Variants in ZNRF3 observed in about 807,000 individuals in gnomAD.
ZNRF3 encodes zinc and ring finger 3.
A neutral mutation model predicts 72.5 loss-of-function variants in ZNRF3; 23 were observed. The observed-to-expected ratio is 0.32, with a 90% confidence interval of 0.23 to 0.45. ZNRF3 has a LOEUF of 0.45. Among genes scored for constraint, ZNRF3 ranks in the 20% least tolerant of loss-of-function variants. The pLI, the probability that ZNRF3 is intolerant of heterozygous loss-of-function variation, is 1.00. For missense variants in ZNRF3, 1,169 were observed against 1,272.1 expected, an observed-to-expected ratio of 0.92 and a Z score of 1.23; for synonymous variants, 610 against 545.3, an observed-to-expected ratio of 1.12 and a Z score of -1.65.
At position 28,883,919 on chromosome 22, in the gene ZNRF3, C is replaced by T; in HGVS notation, c.153C>T (p.Gly51=). 1 of 1,187,314 alleles carries T rather than the reference C, an allele frequency of 8.4e-7. No individual in the cohort carries two copies. Among genetic ancestry groups the T allele is most frequent in the Non-Finnish European group, 1.1e-6 (1 of 942,454 alleles). 73.5% of individuals were successfully genotyped at this position (1,187,314 alleles called of 1,614,324 possible). A position where few individuals can be genotyped will look rare whatever the true frequency, so the allele number is the denominator to read the frequency against. ...LGLLLAAAGP[G]AARAKETAFV... is the part of the protein sequence containing the mutation. ...TGCTGCTGGCGGCCGCGGGGCCCGG[C>T]GCGGCGCGGGCCAAGGAGACGGCGT... The change falls in exon 1 of 9, where the codon GGC becomes GGT. Residue 51 remains glycine, a synonymous_variant. Transcript: ENST00000544604. The surrounding 1 kb of genome is among the most constrained non-coding windows in gnomAD (Gnocchi z 5.5).
In ZNRF3 at chr22:28,905,834, C is replaced by T. The variant is rs1224791351; in HGVS notation, c.300+21768C>T. 2.6e-5 allele frequency among the ~76,000 whole-genome samples: 4 copies of T among 152,206 alleles called. No homozygotes were observed. The South Asian group carries it at 8.3e-4, about 32-fold the overall frequency. ...CTTATACTGTTTTTCTCACTAGATCCTTAAGAGGATTCTGAGCGATAAGAT... is the reference window on the plus strand; with the variant it reads ...CTTATACTGTTTTTCTCACTAGATCTTTAAGAGGATTCTGAGCGATAAGAT... On this transcript the variant is annotated intron_variant, in intron 1 of 8. Transcript: ENST00000544604.
chr22:28,896,281 T>C (rs76088334), intron 1 of ZNRF3, among the ~76,000 whole-genome samples: 4 of 152,142 alleles, frequency 2.6e-5, no homozygotes, highest in Non-Finnish European at 5.9e-5. Context: ...ACTACAGGCG[T>C]GTGCCACCAC....
At chr22:28,999,465 G>T (rs1057338920) in intron 2 of ZNRF3, among the ~76,000 whole-genome samples, 4 of 152,190 alleles carry the variant, frequency 2.6e-5, no homozygotes, top group African/African-American at 9.7e-5. Context: ...GATAGAGCGA[G>T]ACCCCTGACT....
chr22:28,977,751 AT>A (rs2035700963), intron 1 of ZNRF3, among the ~76,000 whole-genome samples: 1 of 152,216 alleles, frequency 6.6e-6, no homozygotes, highest in African/African-American at 2.4e-5. Context: ...TTTTGAAGTT[AT>A]TTTAAACTCT....
chr22:28,986,905 C>A, intron 1 of ZNRF3, 171 bp from the exon 2 acceptor site: 1 of 842,194 alleles, frequency 1.2e-6, no homozygotes, highest in South Asian at 1.9e-5. Context: ...CTCCCCAGTG[C>A]TCAGCTCATT....
chr22:28,989,806 A>G (rs1445329993), intron 2 of ZNRF3, among the ~76,000 whole-genome samples: 1 of 152,190 alleles, frequency 6.6e-6, no homozygotes, highest in Non-Finnish European at 1.5e-5. Flanking sequence ...CTACCCGCGT[A>G]CTTACAGACA....
intron 2 of ZNRF3, among the ~76,000 whole-genome samples, chr22:29,032,685 T>C (rs1286641990): frequency 6.6e-6 from 1 of 152,174 alleles, no homozygotes; most frequent in East Asian, 1.9e-4. Context: ...CCATGGTGTT[T>C]GATGCTAACC....
chr22:29,007,702 C>A (rs1473175423), intron 2 of ZNRF3, among the ~76,000 whole-genome samples: 1 of 151,412 alleles, frequency 6.6e-6, no homozygotes, highest in Non-Finnish European at 1.5e-5. Context: ...TATCATAGCT[C>A]CCCTTTTTCT....
At chr22:29,020,315 C>T (rs1331474768) in intron 2 of ZNRF3, among the ~76,000 whole-genome samples, 2 of 131,812 alleles carry the variant, frequency 1.5e-5, no homozygotes, top group Non-Finnish European at 3.1e-5. Context: ...GGCTGGAGTG[C>T]AGTGGCATAA....
intron 1 of ZNRF3, among the ~76,000 whole-genome samples, chr22:28,921,408 TTG>T (rs1315126677): frequency 2.6e-5 from 4 of 152,220 alleles, no homozygotes; most frequent in Non-Finnish European, 5.9e-5. Context: ...TCTTTGCATT[TTG>T]GCATCCAACC....
At position 29,053,595 on chromosome 22, in the gene ZNRF3, A is replaced by G; in HGVS notation, c.2784A>G (p.Ser928=). 1.2e-6 allele frequency: 2 copies of G among 1,613,844 alleles called. No homozygotes were observed. Among genetic ancestry groups the G allele is most frequent in the Non-Finnish European group, 1.7e-6 (2 of 1,179,814 alleles). Residue 928 remains serine (S), a synonymous_variant, in exon 9 of 9, where the codon TCA becomes TCG. Coordinates refer to ENST00000544604, the MANE Select transcript of ZNRF3 (RefSeq NM_001206998.2). ...CTTTCCCAGGACCGAGATCTCACTC[A>G]GCAGACAGCAGCAGCCCGGGAGCCT... ...ATEAAGPRSH[S]ADSSSPGA
At position 29,049,789 on chromosome 22, in the gene ZNRF3, C is replaced by G; in HGVS notation, c.1608C>G (p.Arg536=). 6.2e-7 allele frequency: 1 copy of G among 1,605,070 alleles called. No individual in the cohort carries two copies. Among genetic ancestry groups the G allele is most frequent in the Non-Finnish European group, 8.5e-7 (1 of 1,175,052 alleles). The change falls in exon 8 of 9, where the codon CGC becomes CGG. Residue 536 remains arginine (R), a synonymous_variant. Coordinates refer to ENST00000544604, the MANE Select transcript of ZNRF3 (RefSeq NM_001206998.2). The surrounding 1 kb of genome is among the most constrained non-coding windows in gnomAD (Gnocchi z 5.2). ...GCTTCAGCTGCTATCACGGCCACCG[C>G]TCGGTGTGCAGTGGCTACCTGGCCG... ...TSSFSCYHGH[R]SVCSGYLADC...
chr22:29,011,778 T>A (rs980251139), intron 2 of ZNRF3, among the ~76,000 whole-genome samples: 2 of 152,214 alleles, frequency 1.3e-5, no homozygotes, highest in African/African-American at 4.8e-5. Context: ...ATGTAAATCC[T>A]CCCGCTGGGG....
chr22:29,014,078 A>AT (rs2036390789), intron 2 of ZNRF3, among the ~76,000 whole-genome samples: 1 of 152,082 alleles, frequency 6.6e-6, no homozygotes, highest in East Asian at 1.9e-4. Flanking sequence ...TTTTCCCTGG[A>AT]TTTTTTTCAT....
In ZNRF3 at chr22:29,043,383, A is replaced by T; in HGVS notation, c.586A>T (p.Asn196Tyr). 6.2e-7 allele frequency: 1 copy of T among 1,613,992 alleles called. No individual in the cohort carries two copies. Among genetic ancestry groups the T allele is most frequent in the Non-Finnish European group, 8.5e-7 (1 of 1,180,010 alleles). ...ADAIKLMNIV[N>Y]KQKVARARIQ... Reference sequence around the variant, plus strand: ...TGCCATTAAGCTGATGAACATCGTCAACAAGCAGAAAGTGGCTCGAGCAAG... The same window carrying T: ...TGCCATTAAGCTGATGAACATCGTCTACAAGCAGAAAGTGGCTCGAGCAAG... Residue 196 changes from asparagine (N) to tyrosine (Y), a missense_variant, in exon 4 of 9, where the codon AAC (asparagine) becomes TAC (tyrosine). Asn to Tyr is a moderately radical substitution (Grantham distance 143, BLOSUM62 -2). Transcript: ENST00000544604.
intron 1 of ZNRF3, among the ~76,000 whole-genome samples, chr22:28,926,402 C>T (rs769543515): frequency 6.6e-6 from 1 of 151,068 alleles, no homozygotes. Context: ...AGGCAGACCT[C>T]GAACTCCTGG....
intron 4 of ZNRF3, 66 bp from the exon 5 acceptor site, chr22:29,044,714 T>C: frequency 9.1e-7 from 1 of 1,101,456 alleles, no homozygotes; most frequent in Non-Finnish European, 1.4e-6. Flanking sequence ...AAAGCCAAGA[T>C]AGCCCATGTG....
intron 1 of ZNRF3, among the ~76,000 whole-genome samples, chr22:28,927,509 A>G (rs1390894424): frequency 6.6e-6 from 1 of 152,248 alleles, no homozygotes; most frequent in African/African-American, 2.4e-5. Context: ...AACTTGTTGC[A>G]CTTAGAATGG....
rs117876118 is a variant in ZNRF3 at position 29,052,416 on chromosome 22, C to T, written c.2768-1163C>T. Among the ~76,000 whole-genome samples, 991 of 152,224 alleles carry T rather than the reference C, an allele frequency of 6.5e-3. 7 individuals are homozygous for T. Among genetic ancestry groups the T allele is most frequent in the Non-Finnish European group, 0.011 (776 of 68,010 alleles). ...CCTTTAAAATCTTAAAAATGTTGGC[C>T]GGGTGCGGTGATTCACGCCTGTAAT... is the stretch of plus-strand genomic sequence containing the variant. On this transcript the variant is annotated intron_variant, in intron 8 of 8. Coordinates refer to ENST00000544604, the MANE Select transcript of ZNRF3 (RefSeq NM_001206998.2).
Sources: gnomAD v4.1 joint callset for allele counts (sites outside exome capture counted in the v4.1 genomes callset) on GRCh38, gnomAD v4.1.1 for gene constraint, Gnocchi (gnomAD v3.1) non-coding constraint, MANE v1.5 for transcripts, NCBI Gene and HGNC (gene_info 2026-07-23, HGNC 2026-07-21) for gene names.